LAMA5: variants seen among roughly 807,000 people sequenced by gnomAD.
LAMA5 encodes laminin subunit alpha-5.
LAMA5 carries 260 observed loss-of-function variants against 433.4 expected under a neutral mutation model. The observed-to-expected ratio is 0.60, with a 90% CI of 0.54 to 0.66. The LOEUF is 0.66. Ranked by LOEUF, LAMA5 falls within the 30% of genes least tolerant of loss-of-function variation. LAMA5 has a pLI of 0.00. For synonymous variants in LAMA5, 2,620 were observed against 2,226.6 expected, an observed-to-expected ratio of 1.18 and a Z score of -4.97; for missense variants, 5,378 against 5,258.5, an observed-to-expected ratio of 1.02 and a Z score of -0.70.
At chr20:62,323,322 G>A in intron 45 of LAMA5, 134 bp downstream of exon 45, 2 of 762,612 alleles carry the variant, frequency 2.6e-6, no homozygotes, top group South Asian at 1.9e-5. Flanking sequence ...CATGAACCCA[G>A]AAGGCTGGCT....
At chr20:62,315,872 C>T in intron 58 of LAMA5, 76 bp downstream of exon 58, 1 of 1,138,484 alleles carries the variant, frequency 8.8e-7, no homozygotes, top group South Asian at 1.4e-5. Flanking sequence ...TGCTCACCAA[C>T]CACATGTGGC....
intron 38 of LAMA5, 46 bp downstream of exon 38, chr20:62,327,187 C>T (rs750219612): frequency 1.2e-4 from 177 of 1,451,400 alleles, no homozygotes; most frequent in Non-Finnish European, 1.4e-4. Flanking sequence ...CTCAGGCGTC[C>T]TGGCCATCCT....
At chr20:62,326,404 G>A in intron 40 of LAMA5, 1 of 423,636 alleles carries the variant, frequency 2.4e-6, no homozygotes, top group Non-Finnish European at 4.2e-6. Flanking sequence ...GGCAGTGCAT[G>A]GAGGAAGCCA....
In LAMA5 at chr20:62,312,333, C is replaced by T. The variant is rs897184229; in HGVS notation, c.9361-17G>A. The T allele has an allele frequency of 3.7e-6, 6 of 1,606,358 alleles. No individual in the cohort carries two copies. Among genetic ancestry groups the T allele is most frequent in the Non-Finnish European group, 5.1e-6 (6 of 1,179,102 alleles). The stretch of plus-strand genomic sequence containing the variant: ...GCGCCCCACCTGCGGGGAGGCCATC[C>T]CTGAGTGCCCGCGGGTGCCCCTGCA... On this transcript the variant is annotated splice_polypyrimidine_tract_variant and intron_variant, in intron 68 of 79. Transcript: ENST00000252999.
At position 62,310,083 on chromosome 20, in the gene LAMA5, T is replaced by TGGAGGGGTAGGAAG. The variant is rs762469320; in HGVS notation, c.10735-3_10735-2insCTTCCTACCCCTCC. On this transcript the variant is annotated splice_polypyrimidine_tract_variant and splice_region_variant and intron_variant, in intron 77 of 79. Transcript: ENST00000252999. The stretch of plus-strand genomic sequence containing the variant: ...TCCGTCATCCGCCCGCAGCAGGACC[T>TGGAGGGGTAGGAAG]GGCGGGGTAGGAAGGGAGGGTCAGG... 759 of 1,611,266 alleles carry TGGAGGGGTAGGAAG rather than the reference T, an allele frequency of 4.7e-4. 11 individuals are homozygous for TGGAGGGGTAGGAAG. The Middle Eastern group carries it at 0.018, about 39-fold the overall frequency.
intron 1 of LAMA5, among the ~76,000 whole-genome samples, chr20:62,366,728 T>C (rs963577133): frequency 6.6e-6 from 1 of 151,974 alleles, no homozygotes; most frequent in African/African-American, 2.4e-5. Context: ...CGCCCCCGGG[T>C]CCATGCCGGG....
chr20:62,318,660 A>T lies in LAMA5; in HGVS notation c.7043-10T>A. On this transcript the variant is annotated splice_polypyrimidine_tract_variant and intron_variant, in intron 52 of 79. Coordinates refer to ENST00000252999, the MANE Select transcript of LAMA5 (RefSeq NM_005560.6). ...TGCACCCGGGCCAGCACTAGCCGAG[A>T]CCAGGGTGAGGGTGGTCACTCTGGA... 3 of 1,608,644 alleles carry T rather than the reference A, an allele frequency of 1.9e-6. No homozygotes were observed. Among genetic ancestry groups the T allele is most frequent in the Middle Eastern group, 1.7e-4 (1 of 6,014 alleles).
intron 11 of LAMA5, among the ~76,000 whole-genome samples, chr20:62,339,034 C>CT (rs1473745061): frequency 1.1e-5 from 1 of 91,976 alleles, no homozygotes; most frequent in Non-Finnish European, 2.9e-5. Flanking sequence ...GAGACTCCGT[C>CT]TCAAAAAAAA....
Position 62,316,925 on chromosome 20 carries a change from T to C in LAMA5, c.7610A>G (p.Asp2537Gly). 1 of 1,553,324 alleles carries C rather than the reference T, an allele frequency of 6.4e-7. No individual in the cohort carries two copies. ...CTGCTGCAGGGCCTGGCCAGCAGCATCCTCGGCAGCCTGCACGGCCTGCAG... is the reference window on the plus strand; with the variant it reads ...CTGCTGCAGGGCCTGGCCAGCAGCACCCTCGGCAGCCTGCACGGCCTGCAG... The part of the protein sequence containing the change: ...RILQAVQAAE[D>G]AAGQALQQAD... Residue 2537 changes from aspartate to glycine, a missense_variant, in exon 56 of 80, where the codon GAT becomes GGT. Asp to Gly is a moderately conservative substitution (Grantham distance 94). Coordinates refer to ENST00000252999, the MANE Select transcript of LAMA5 (RefSeq NM_005560.6).
intron 6 of LAMA5, 113 bp downstream of exon 6, chr20:62,351,591 G>A: frequency 1.1e-6 from 1 of 931,696 alleles, no homozygotes; most frequent in East Asian, 2.6e-5. Context: ...GCAGGGTTGT[G>A]GTGGGCCATG....
intron 51 of LAMA5, 79 bp from the exon 52 acceptor site, chr20:62,319,092 C>T (rs1987373139): frequency 1.6e-5 from 22 of 1,388,712 alleles, no homozygotes; most frequent in Non-Finnish European, 2.1e-5. Flanking sequence ...AGCCCAAGAC[C>T]CCAGCCCTGC....
At chr20:62,321,937 G>T in intron 48 of LAMA5, 82 bp downstream of exon 48, 1 of 1,419,698 alleles carries the variant, frequency 7.0e-7, no homozygotes, top group Non-Finnish European at 9.8e-7. Flanking sequence ...GGAGGTCGAC[G>T]TTAACACTGG....
rs1355182946 is a variant in LAMA5 at position 62,322,717 on chromosome 20, G to A, written c.6106C>T (p.His2036Tyr). ...GCCTTGCACAGGCAGTGCCCGCTGT[G>A]GGGGTCGCAGGCCTCTGTCCCACAT... ...TPCGTEACDP[H>Y]SGHCLCKAGV... The change falls in exon 46 of 80, where the codon CAC (histidine) becomes TAC (tyrosine). Residue 2036 changes from histidine (H) to tyrosine (Y), a missense_variant. Transcript: ENST00000252999. 10 of 1,537,888 alleles carry A rather than the reference G, an allele frequency of 6.5e-6. No individual in the cohort carries two copies. Among genetic ancestry groups the A allele is most frequent in the Admixed American group, 2.0e-5 (1 of 51,000 alleles).
chr20:62,360,146 G>A (rs1304865624), intron 2 of LAMA5, among the ~76,000 whole-genome samples: 3 of 151,056 alleles, frequency 2.0e-5, no homozygotes, highest in Non-Finnish European at 1.5e-5. Flanking sequence ...GACCAAGGCT[G>A]GCAGCCCCCT....
In LAMA5 at chr20:62,330,872, C is replaced by A; in HGVS notation, c.3723G>T (p.Pro1241=). 1 of 1,540,734 alleles carries A rather than the reference C, an allele frequency of 6.5e-7. No homozygotes were observed. The highest frequency in any genetic ancestry group is 8.7e-7 in the Non-Finnish European group (1 of 1,143,480). Residue 1241 remains proline (P), a synonymous_variant, in exon 30 of 80, where the codon CCG becomes CCT. Transcript: ENST00000252999. The part of the protein sequence containing the change: ...PIILRDCQVI[P]LPPGLPLTHA... ...GGGTCAGCGGGAGGCCGGGCGGCAG[C>A]GGGATCACCTGGCAGTCCCTGAGGA...
chr20:62,324,826 A>C lies in LAMA5; in HGVS notation c.5530-272T>G. The C allele has an allele frequency of 2.0e-6, 1 of 497,712 alleles. No individual in the cohort carries two copies. Among genetic ancestry groups the C allele is most frequent in the Non-Finnish European group, 3.7e-6 (1 of 272,294 alleles). The allele number at this position is 497,712 out of a possible 1,614,324, so 30.8% of individuals were successfully genotyped here. A position where few individuals can be genotyped will look rare whatever the true frequency, so the allele number is the denominator to read the frequency against. ...TGACCAGGCCTTGGGGCTGGTGACC[A>C]CCCACTCCATGTGGACCAGGGCCTA... On this transcript the variant is annotated intron_variant, in intron 41 of 79. Coordinates refer to ENST00000252999, the MANE Select transcript of LAMA5 (RefSeq NM_005560.6). This position sits in a 1 kb window ranked among gnomAD's most constrained non-coding sequence, Gnocchi z 4.4.
intron 47 of LAMA5, 39 bp downstream of exon 47, chr20:62,322,229 GA>G: frequency 6.4e-7 from 1 of 1,562,744 alleles, no homozygotes; most frequent in Non-Finnish European, 8.6e-7. Flanking sequence ...ACCCCACTCA[GA>G]AGTCCCCATC....
Position 62,319,803 on chromosome 20 carries a change from G to T in LAMA5, c.6760-8C>A, listed in dbSNP as rs1411545524. 1 of 1,541,806 alleles carries T rather than the reference G, an allele frequency of 6.5e-7. No individual in the cohort carries two copies. Among genetic ancestry groups the T allele is most frequent in the Admixed American group, 2.0e-5 (1 of 50,928 alleles). On this transcript the variant is annotated splice_region_variant and splice_polypyrimidine_tract_variant and intron_variant, in intron 50 of 79. Coordinates refer to ENST00000252999, the MANE Select transcript of LAMA5 (RefSeq NM_005560.6). The stretch of plus-strand genomic sequence containing the variant: ...GTCTCGGGTCCCCACGGCCTGTGGA[G>T]GAAGAGCCCACTAGCCCACGCTGCT...
At position 62,313,302 on chromosome 20, in the gene LAMA5, G is replaced by T. The variant is rs767809546; in HGVS notation, c.8792+25C>A. On this transcript the variant is annotated intron_variant, in intron 64 of 79. Transcript: ENST00000252999. Reference sequence around the variant, plus strand: ...CGGAGGGTGGGGTGGGGTGGGTGGAGACGGGGAGGGCAGGCCACACGCACC... The same window carrying T: ...CGGAGGGTGGGGTGGGGTGGGTGGATACGGGGAGGGCAGGCCACACGCACC... 10 of 1,537,130 alleles carry T rather than the reference G, an allele frequency of 6.5e-6. No individual in the cohort carries two copies. The Admixed American group carries it at 2.0e-4, about 31-fold the overall frequency.
Sources: gnomAD v4.1 joint callset for allele counts (sites outside exome capture counted in the v4.1 genomes callset) on GRCh38, gnomAD v4.1.1 for gene constraint, Gnocchi (gnomAD v3.1) non-coding constraint, MANE v1.5 for transcripts, NCBI Gene and HGNC (gene_info 2026-07-23, HGNC 2026-07-21) for gene names.